The following SLC8A1 variants were observed in gnomAD, a reference collection of about 807,000 sequenced individuals.
The protein encoded by SLC8A1 is sodium/calcium exchanger 1.
A neutral mutation model predicts 68.3 loss-of-function variants in SLC8A1; 18 were observed. The ratio of observed to expected loss-of-function variants is 0.26; its 90% CI spans 0.18 to 0.39. The LOEUF (loss-of-function observed/expected upper bound fraction) is 0.39. Ranked by LOEUF, SLC8A1 falls within the 10% of genes least tolerant of loss-of-function variation. The pLI is 1.00. For synonymous variants in SLC8A1, 475 were observed against 415.5 expected (o/e 1.14, Z -1.74); for missense variants, 985 against 1,156.7 (o/e 0.85, Z 2.15).
chr2:40,496,354 CAAA>C (rs2149930740), intron 1 of SLC8A1, among the ~76,000 whole-genome samples: 1 of 152,166 alleles, frequency 6.6e-6, no homozygotes, highest in African/African-American at 2.4e-5. Flanking sequence ...AAGTATTATT[CAAA>C]AGGATTTCAG....
intron 2 of SLC8A1, among the ~76,000 whole-genome samples, chr2:40,423,989 A>T (rs948496431): frequency 1.3e-5 from 2 of 152,034 alleles, no homozygotes; most frequent in African/African-American, 4.8e-5. Context: ...TTCCATACAA[A>T]TTTCTTACAT....
At chr2:40,136,504 C>A (rs2110922) in intron 7 of SLC8A1, among the ~76,000 whole-genome samples, 61,453 of 151,944 alleles carry the variant, frequency 0.4, 12,634 homozygotes, top group East Asian at 0.52. Context: ...CTAAGAATCC[C>A]AAAGTCTAAC....
intron 1 of SLC8A1, among the ~76,000 whole-genome samples, chr2:40,496,960 A>G (rs1020863688): frequency 3.4e-4 from 51 of 149,310 alleles, no homozygotes; most frequent in African/African-American, 1.1e-3. Context: ...GCATTGGGAG[A>G]TATACCTAAT....
chr2:40,364,286 T>C (rs1444423188), intron 2 of SLC8A1, among the ~76,000 whole-genome samples: 2 of 151,930 alleles, frequency 1.3e-5, no homozygotes, highest in Non-Finnish European at 1.5e-5. Flanking sequence ...AGAAGAAAAA[T>C]AGCTCTTAAG....
At chr2:40,316,199 G>A (rs1276763465) in intron 2 of SLC8A1, among the ~76,000 whole-genome samples, 1 of 152,014 alleles carries the variant, frequency 6.6e-6, no homozygotes, top group Non-Finnish European at 1.5e-5. Flanking sequence ...TATAAGCCTG[G>A]ATCCAATCAC....
intron 1 of SLC8A1, 64 bp from the exon 2 acceptor site, chr2:40,430,368 G>T: frequency 6.9e-7 from 1 of 1,444,900 alleles, no homozygotes; most frequent in Non-Finnish European, 9.2e-7. Flanking sequence ...TGCAGCCAAA[G>T]CATTACTAAT....
intron 2 of SLC8A1, among the ~76,000 whole-genome samples, chr2:40,314,441 T>C (rs1356873580): frequency 6.6e-6 from 1 of 152,022 alleles, no homozygotes; most frequent in East Asian, 1.9e-4. Context: ...AGTGTTATCC[T>C]TTTGTTCTTT....
At chr2:40,250,072 G>A (rs569845475) in intron 2 of SLC8A1, among the ~76,000 whole-genome samples, 7 of 152,280 alleles carry the variant, frequency 4.6e-5, no homozygotes, top group South Asian at 2.1e-4. Context: ...GACTTAACAA[G>A]CTACAGAACA....
intron 2 of SLC8A1, chr2:40,250,623 G>T (rs1320217890): frequency 6.6e-6 from 1 of 152,028 alleles, no homozygotes; most frequent in Non-Finnish European, 1.5e-5. Flanking sequence ...TGTACTTATG[G>T]AACATAATTT....
chr2:40,305,662 TCTGA>T (rs1223170522), intron 2 of SLC8A1, among the ~76,000 whole-genome samples: 1 of 152,206 alleles, frequency 6.6e-6, no homozygotes, highest in African/African-American at 2.4e-5. Context: ...AGTTTACCTT[TCTGA>T]CTGTCTAATA....
chr2:40,181,669 G>T (rs962268514), intron 2 of SLC8A1, among the ~76,000 whole-genome samples: 1 of 152,220 alleles, frequency 6.6e-6, no homozygotes, highest in Admixed American at 6.5e-5. Context: ...GTGGCAGGAT[G>T]AAGTCAGTCC....
intron 6 of SLC8A1, among the ~76,000 whole-genome samples, chr2:40,152,203 G>C (rs147848282): frequency 1.3e-5 from 2 of 152,170 alleles, no homozygotes; most frequent in African/African-American, 4.8e-5. Context: ...TGCACAGAAA[G>C]TATGTATTTC....
At chr2:40,342,125 A>C (rs971541703) in intron 2 of SLC8A1, among the ~76,000 whole-genome samples, 3 of 152,080 alleles carry the variant, frequency 2.0e-5, no homozygotes, top group Non-Finnish European at 4.4e-5. Context: ...AACCTAGTGA[A>C]ATTTGCCTGG....
Position 40,187,099 on chromosome 2 carries a change from A to C in SLC8A1, c.1809-9244T>G, listed in dbSNP as rs13398809. Among the ~76,000 whole-genome samples, 1,264 of 152,256 alleles carry C rather than the reference A, an allele frequency of 8.3e-3. 23 individuals carry two copies. The highest frequency in any genetic ancestry group is 0.028 in the African/African-American group (1,145 of 41,542). ...GTCAGGAAATATTCAATGGAGTAAT[A>C]AGCAATACCCTCAAATCCACTCTCA... On this transcript the variant is annotated intron_variant, in intron 2 of 7. Coordinates refer to ENST00000406785, the Ensembl canonical transcript of SLC8A1.
intron 2 of SLC8A1, among the ~76,000 whole-genome samples, chr2:40,180,258 GACTAA>G (rs1257455810): frequency 1.4e-4 from 21 of 152,158 alleles, no homozygotes; most frequent in African/African-American, 4.8e-4. Flanking sequence ...ATTCTGCTGT[GACTAA>G]ACTAGAATAT....
At chr2:40,168,730 T>C (rs2046967322) in intron 4 of SLC8A1, among the ~76,000 whole-genome samples, 1 of 152,222 alleles carries the variant, frequency 6.6e-6, no homozygotes, top group South Asian at 2.1e-4. Flanking sequence ...TTGAGGTCAG[T>C]TTCATTTCTT....
chr2:40,388,266 G>A (rs1242881985), intron 2 of SLC8A1, among the ~76,000 whole-genome samples: 1 of 152,060 alleles, frequency 6.6e-6, no homozygotes, highest in Non-Finnish European at 1.5e-5. Context: ...AAACCATTTG[G>A]AAATGTTTTA....
exon 8 of SLC8A1, chr2:40,105,069 T>G (rs1371537727): frequency 6.6e-6 from 1 of 152,132 alleles, no homozygotes; most frequent in African/African-American, 2.4e-5. Flanking sequence ...TTCCCCTCTA[T>G]ATTACAAGTT....
intron 6 of SLC8A1, among the ~76,000 whole-genome samples, chr2:40,159,554 T>C (rs2045283449): frequency 6.6e-6 from 1 of 152,210 alleles, no homozygotes; most frequent in Admixed American, 6.5e-5. Context: ...TAGAAATTTT[T>C]GTCTGCTTAG....
Sources: gnomAD v4.1 joint callset for allele counts (sites outside exome capture counted in the v4.1 genomes callset) on GRCh38, gnomAD v4.1.1 for gene constraint, MANE v1.5 for transcripts, NCBI Gene and HGNC (gene_info 2026-07-23, HGNC 2026-07-21) for gene names.